The following SLC4A4 variants were observed in gnomAD, a reference collection of about 807,000 sequenced individuals.
The protein encoded by SLC4A4 is solute carrier family 4 member 4.
SLC4A4 carries 27 observed loss-of-function variants against 111.5 expected under a neutral mutation model. The ratio of observed to expected loss-of-function variants is 0.24; its 90% CI spans 0.18 to 0.33. The LOEUF (loss-of-function observed/expected upper bound fraction) is 0.33. SLC4A4 is among the 10% of genes least tolerant of loss of function. SLC4A4 has a pLI of 1.00. For synonymous variants in SLC4A4, 443 were observed against 463.4 expected (o/e 0.96, Z 0.57); for missense variants, 909 against 1,315.5 (o/e 0.69, Z 4.78).
At chr4:71,221,036 A>G (rs1158054623) in intron 1 of SLC4A4, among the ~76,000 whole-genome samples, 1 of 152,232 alleles carries the variant, frequency 6.6e-6, no homozygotes, top group Non-Finnish European at 1.5e-5. Context: ...ATGTTCCTGC[A>G]AAATACATGA....
intron 3 of SLC4A4, among the ~76,000 whole-genome samples, chr4:71,264,175 C>T (rs1330355435): frequency 5.3e-5 from 8 of 152,052 alleles, no homozygotes; most frequent in Non-Finnish European, 8.8e-5. Context: ...GACTTTAGCA[C>T]CCTTGTCAGG....
chr4:71,124,241 C>T (rs1371947213), intron 2 of SLC4A4, among the ~76,000 whole-genome samples: 4 of 148,790 alleles, frequency 2.7e-5, no homozygotes, highest in Non-Finnish European at 4.4e-5. Flanking sequence ...GGTGCGATCT[C>T]AGCTCACTGC....
chr4:71,168,346 T>A (rs1192441004), intron 2 of SLC4A4, among the ~76,000 whole-genome samples: 1 of 151,942 alleles, frequency 6.6e-6, no homozygotes, highest in Non-Finnish European at 1.5e-5. Flanking sequence ...TGTGCCTGGC[T>A]AATTTTTTGT....
intron 3 of SLC4A4, among the ~76,000 whole-genome samples, chr4:71,270,497 G>A (rs1376306702): frequency 6.6e-6 from 1 of 152,174 alleles, no homozygotes; most frequent in African/African-American, 2.4e-5. Flanking sequence ...TAAGTTGTTA[G>A]TGAAGGGGAT....
At chr4:71,477,889 C>T (rs6857989) in intron 14 of SLC4A4, among the ~76,000 whole-genome samples, 2 of 151,860 alleles carry the variant, frequency 1.3e-5, no homozygotes, top group Admixed American at 6.6e-5. Context: ...GGCTAATATC[C>T]AGAATCTACA....
chr4:71,091,119 T>C (rs1742374421), intron 1 of SLC4A4, among the ~76,000 whole-genome samples: 1 of 152,142 alleles, frequency 6.6e-6, no homozygotes, highest in Admixed American at 6.6e-5. Flanking sequence ...AGCTTATTTT[T>C]GTATTTTTAG....
intron 20 of SLC4A4, among the ~76,000 whole-genome samples, chr4:71,550,144 T>C (rs144828812): frequency 0.012 from 1,896 of 152,050 alleles, 15 homozygotes; most frequent in Non-Finnish European, 0.019. Context: ...TTTGTTAAGG[T>C]TTTCCCCAAA....
At chr4:71,367,464 C>A (rs1444793082) in intron 6 of SLC4A4, among the ~76,000 whole-genome samples, 1 of 152,128 alleles carries the variant, frequency 6.6e-6, no homozygotes, top group East Asian at 1.9e-4. Context: ...AGTTGTTTAG[C>A]CTAATTCATT....
chr4:71,483,019 A>G (rs1204979889), intron 14 of SLC4A4, among the ~76,000 whole-genome samples: 2 of 151,620 alleles, frequency 1.3e-5, no homozygotes, highest in African/African-American at 2.4e-5. Flanking sequence ...ATGAAGAAAT[A>G]CAGTGTAAGA....
intron 14 of SLC4A4, chr4:71,473,319 C>T: frequency 1.8e-6 from 1 of 554,484 alleles, no homozygotes; most frequent in African/African-American, 1.9e-5. Context: ...TGTGACAAAC[C>T]TATCCTTTGC....
At chr4:71,513,001 A>G (rs963712274) in intron 16 of SLC4A4, among the ~76,000 whole-genome samples, 30 of 152,246 alleles carry the variant, frequency 2.0e-4, no homozygotes, top group African/African-American at 6.7e-4. Context: ...GTCTATTTTT[A>G]TAGCAATACT....
In SLC4A4 at chr4:71,533,781, A is replaced by G. The variant is rs1454104994; in HGVS notation, c.2281-446A>G. Among the ~76,000 whole-genome samples, 5 of 152,114 alleles carry G rather than the reference A, an allele frequency of 3.3e-5. No individual in the cohort carries two copies. In the South Asian group the frequency reaches 6.2e-4, roughly 19 times the overall value. On this transcript the variant is annotated intron_variant, in intron 17 of 25. Transcript: ENST00000264485. ...AATTTCATTATAATTGCTAAAACCC[A>G]TGAACAAAATTCATGGTGATTTGGT...
chr4:71,452,777 C>G (rs1725884824), intron 11 of SLC4A4, among the ~76,000 whole-genome samples: 1 of 152,134 alleles, frequency 6.6e-6, no homozygotes, highest in African/African-American at 2.4e-5. Context: ...ATGGCTTCCT[C>G]CCTTAGTTCC....
Position 71,569,900 on chromosome 4 carries a change from A to G in SLC4A4, c.*2149A>G, listed in dbSNP as rs1737803170. On this transcript the variant is annotated 3_prime_UTR_variant, in exon 26 of 26. Transcript: ENST00000264485. Reference sequence around the variant, plus strand: ...AAATAATAGTGGTGAATTATATGTTATTGTGTTAAAACCTCACTTGCCAAA... The same window carrying G: ...AAATAATAGTGGTGAATTATATGTTGTTGTGTTAAAACCTCACTTGCCAAA... 1 of 151,750 alleles carries G rather than the reference A, an allele frequency of 6.6e-6. No homozygotes were observed. Among genetic ancestry groups the G allele is most frequent in the South Asian group, 2.1e-4 (1 of 4,828 alleles). 9.4% of individuals were successfully genotyped at this position (151,750 alleles called of 1,614,324 possible).
intron 2 of SLC4A4, among the ~76,000 whole-genome samples, chr4:71,162,398 C>CAGGG (rs1304894706): frequency 6.6e-6 from 1 of 152,218 alleles, no homozygotes; most frequent in African/African-American, 2.4e-5. Flanking sequence ...AATCCTCCTA[C>CAGGG]AGGGAGTAGG....
At chr4:71,235,922 G>A (rs1397741010) in intron 1 of SLC4A4, 3 of 333,344 alleles carry the variant, frequency 9.0e-6, no homozygotes, top group Non-Finnish European at 1.3e-5. Flanking sequence ...GTATCTGTGT[G>A]TATTGTCGAA....
intron 3 of SLC4A4, among the ~76,000 whole-genome samples, chr4:71,310,906 C>T (rs1360829737): frequency 6.6e-6 from 1 of 152,140 alleles, no homozygotes; most frequent in Non-Finnish European, 1.5e-5. Context: ...GAGTCAAGAC[C>T]CATTGGTGTG....
chr4:71,447,579 C>A, intron 8 of SLC4A4, 67 bp from the exon 9 acceptor site: 1 of 962,706 alleles, frequency 1.0e-6, no homozygotes, highest in South Asian at 1.3e-5. Context: ...AAACATTTCT[C>A]AGTTTTATGT....
At chr4:71,080,255 C>G (rs371682582) in intron 1 of SLC4A4, among the ~76,000 whole-genome samples, 5 of 152,024 alleles carry the variant, frequency 3.3e-5, no homozygotes, top group African/African-American at 7.3e-5. Flanking sequence ...AGAGACTACC[C>G]ACGAGTGTCC....
Sources: allele counts gnomAD v4.1 joint callset (sites outside exome capture counted in the v4.1 genomes callset), GRCh38; gene constraint gnomAD v4.1.1; transcripts MANE v1.5; gene names NCBI Gene and HGNC (gene_info 2026-07-23, HGNC 2026-07-21).